Variants in TCF7L2 observed in about 807,000 individuals in gnomAD.
The protein encoded by TCF7L2 is transcription factor 7 like 2.
TCF7L2 carries 23 observed loss-of-function variants against 77.9 expected under a neutral mutation model. That is an observed-to-expected ratio of 0.30 (90% confidence interval 0.21 to 0.42). The LOEUF (loss-of-function observed/expected upper bound fraction) is 0.42. Ranked by LOEUF, TCF7L2 falls within the 10% of genes least tolerant of loss-of-function variation. The pLI is 1.00. For missense variants in TCF7L2, 654 were observed against 793.1 expected, an observed-to-expected ratio of 0.82 and a Z score of 2.11; for synonymous variants, 413 against 340.2, an observed-to-expected ratio of 1.21 and a Z score of -2.36.
At chr10:112,962,766 T>C (rs922554200) in intron 3 of TCF7L2, among the ~76,000 whole-genome samples, 3 of 152,116 alleles carry the variant, frequency 2.0e-5, no homozygotes, top group South Asian at 2.1e-4. Context: ...GCCTGGCTAA[T>C]TTTTGTATTC....
intron 4 of TCF7L2, among the ~76,000 whole-genome samples, chr10:112,992,478 C>T (rs1280120713): frequency 2.0e-5 from 3 of 152,140 alleles, no homozygotes; most frequent in African/African-American, 7.2e-5. Flanking sequence ...GCCAATTGCC[C>T]GAGTGCTGGG....
At chr10:113,075,570 T>C (rs2058603013) in intron 5 of TCF7L2, among the ~76,000 whole-genome samples, 1 of 152,202 alleles carries the variant, frequency 6.6e-6, no homozygotes, top group South Asian at 2.1e-4. Flanking sequence ...AAAAAATATC[T>C]TTCTGGTTTA....
chr10:113,076,782 C>G (rs141793344), intron 5 of TCF7L2, among the ~76,000 whole-genome samples: 1 of 152,142 alleles, frequency 6.6e-6, no homozygotes, highest in Non-Finnish European at 1.5e-5. Flanking sequence ...GCAAGCTGTG[C>G]CATTAGTTGC....
chr10:112,988,397 C>T (rs1233544891), intron 4 of TCF7L2, among the ~76,000 whole-genome samples: 2 of 152,224 alleles, frequency 1.3e-5, no homozygotes, highest in Admixed American at 1.3e-4. Flanking sequence ...CTGCACCTGG[C>T]CCGTGTGTTG....
At chr10:113,040,858 A>G (rs1045190786) in intron 5 of TCF7L2, among the ~76,000 whole-genome samples, 13 of 152,220 alleles carry the variant, frequency 8.5e-5, no homozygotes, top group Admixed American at 4.6e-4. Flanking sequence ...ATTCCCTTCT[A>G]TGTATTTATA....
chr10:113,101,856 A>AAAAAAAAAAAAAG (rs1564896033), intron 5 of TCF7L2, among the ~76,000 whole-genome samples: 5 of 143,474 alleles, frequency 3.5e-5, no homozygotes, highest in African/African-American at 1.3e-4. Flanking sequence ...AAAAAAAAAA[A>AAAAAAAAAAAAAG]AGAGAGGTGT....
chr10:113,029,792 G>A (rs1240103832), intron 4 of TCF7L2, among the ~76,000 whole-genome samples: 1 of 152,094 alleles, frequency 6.6e-6, no homozygotes, highest in African/African-American at 2.4e-5. Flanking sequence ...GCCTCCCAAA[G>A]TGCTGGGATT....
At chr10:112,983,200 G>A (rs530941956) in intron 4 of TCF7L2, among the ~76,000 whole-genome samples, 4 of 151,540 alleles carry the variant, frequency 2.6e-5, no homozygotes, top group African/African-American at 7.3e-5. Flanking sequence ...GGCCGGGCAC[G>A]GTGGCTCATG....
rs183037379 is a variant in TCF7L2, at chr10:112,964,644, C to T, written c.450+20C>T. The T allele has an allele frequency of 4.0e-5, 64 of 1,608,138 alleles. No individual in the cohort carries two copies. The highest frequency in any genetic ancestry group is 1.3e-4 in the Admixed American group (8 of 59,958). ...GTTCAGGTAGGAAACGCAAGAGATT[C>T]TGAAGCTTGAATTGTCTATATGTAG... On this transcript the variant is annotated intron_variant, in intron 4 of 13. Transcript: ENST00000627217.
rs1555151277 is a variant in TCF7L2, at chr10:113,159,849, T to TTC, written c.1319-753_1319-752dup. On this transcript the variant is annotated intron_variant, in intron 12 of 13. Coordinates refer to ENST00000627217, the MANE Select transcript of TCF7L2 (RefSeq NM_001146274.2). ...TTCTCTTCCCCCCCCCCCCCCCTCTTTCTCTCTCTCTCTCTCTCCCTTTCT... is the reference window on the plus strand; with the variant it reads ...TTCTCTTCCCCCCCCCCCCCCCTCTTTCTCTCTCTCTCTCTCTCTCCCTTTCT... 227 of 160,344 alleles carry TTC rather than the reference T, an allele frequency of 1.4e-3. 2 individuals are homozygous for TTC. In the East Asian group the frequency reaches 0.021, roughly 15 times the overall value. 9.9% of individuals were successfully genotyped at this position (160,344 alleles called of 1,614,324 possible).
At chr10:112,962,477 C>G (rs1375606611) in intron 3 of TCF7L2, among the ~76,000 whole-genome samples, 1 of 152,148 alleles carries the variant, frequency 6.6e-6, no homozygotes, top group East Asian at 1.9e-4. Flanking sequence ...TAACATGATG[C>G]AGAATTGTCA....
chr10:113,102,000 G>A (rs1477150397), intron 5 of TCF7L2, among the ~76,000 whole-genome samples: 39 of 148,916 alleles, frequency 2.6e-4, no homozygotes, highest in African/African-American at 7.7e-4. Flanking sequence ...TTAGCCGGGC[G>A]TGGTGGTGTA....
At chr10:112,988,566 T>G (rs1303661979) in intron 4 of TCF7L2, among the ~76,000 whole-genome samples, 1 of 152,238 alleles carries the variant, frequency 6.6e-6, no homozygotes, top group African/African-American at 2.4e-5. Context: ...CACCCTTTAA[T>G]TTTCTCTTAG....
At chr10:113,074,332 G>C (rs541992296) in intron 5 of TCF7L2, among the ~76,000 whole-genome samples, 2 of 152,206 alleles carry the variant, frequency 1.3e-5, no homozygotes, top group African/African-American at 4.8e-5. Context: ...CCAAAAAGGG[G>C]GTGGTTAGAG....
Position 113,143,969 on chromosome 10 carries a change from A to G in TCF7L2, c.732A>G (p.Pro244=), listed in dbSNP as rs2136929921. 3.7e-6 allele frequency: 6 copies of G among 1,614,014 alleles called. No homozygotes were observed. The highest frequency in any genetic ancestry group is 5.1e-6 in the Non-Finnish European group (6 of 1,180,004). The change falls in exon 7 of 14, where the codon CCA becomes CCG. Residue 244 remains proline (P), a synonymous_variant. Transcript: ENST00000627217. ...CTCCAGATATATCCCCGTATTACCCACTATCGCCTGGCACCGTAGGACAAA... is the reference window on the plus strand; with the variant it reads ...CTCCAGATATATCCCCGTATTACCCGCTATCGCCTGGCACCGTAGGACAAA...
chr10:113,054,758 G>A (rs781110583), intron 5 of TCF7L2, among the ~76,000 whole-genome samples: 3 of 152,004 alleles, frequency 2.0e-5, no homozygotes, highest in East Asian at 1.9e-4. Context: ...TTATATTAAC[G>A]TATGTATTAT....
intron 5 of TCF7L2, among the ~76,000 whole-genome samples, chr10:113,107,493 C>A (rs1327617993): frequency 6.6e-6 from 1 of 152,062 alleles, no homozygotes; most frequent in African/African-American, 2.4e-5. Context: ...CCTATAATCT[C>A]AGCACTCTGG....
At chr10:113,037,921 T>C (rs573058038) in intron 4 of TCF7L2, among the ~76,000 whole-genome samples, 2 of 152,316 alleles carry the variant, frequency 1.3e-5, no homozygotes, top group South Asian at 2.1e-4. Context: ...AATGACTCTA[T>C]TGAGTGGTTT....
rs867140317 is a variant in TCF7L2 at position 113,151,290 on chromosome 10, G to A, written c.1001+167G>A. 6.6e-6 allele frequency among the ~76,000 whole-genome samples: 1 copy of A among 152,160 alleles called. No homozygotes were observed. The highest frequency in any genetic ancestry group is 1.5e-5 in the Non-Finnish European group (1 of 68,032). ...ACTCCCTTACAAAGAGAGAGAGAGT[G>A]CACAGTGGCAGAATCTCACTGTACC... On this transcript the variant is annotated intron_variant, in intron 9 of 13. Transcript: ENST00000627217. This position sits in a 1 kb window ranked among gnomAD's most constrained non-coding sequence, Gnocchi z 5.2.
Sources: gnomAD v4.1 joint callset for allele counts (sites outside exome capture counted in the v4.1 genomes callset) on GRCh38, gnomAD v4.1.1 for gene constraint, Gnocchi (gnomAD v3.1) non-coding constraint, MANE v1.5 for transcripts, NCBI Gene and HGNC (gene_info 2026-07-23, HGNC 2026-07-21) for gene names.